The following RBBP4 variants were observed in gnomAD, a reference collection of about 807,000 sequenced individuals.
RBBP4 encodes histone-binding protein RBBP4.
Under a neutral mutation model 57.2 loss-of-function variants are expected in RBBP4, and 3 were observed. The ratio of observed to expected loss-of-function variants is 0.05; its 90% CI spans 0.02 to 0.14. The LOEUF is 0.14. Ranked by LOEUF, RBBP4 falls within the 10% of genes least tolerant of loss-of-function variation. The pLI, the probability that RBBP4 is intolerant of heterozygous loss-of-function variation, is 1.00. For missense variants in RBBP4, 107 were observed against 520.6 expected (o/e 0.21, Z 7.73); for synonymous variants, 151 against 171.5 (o/e 0.88, Z 0.93).
intron 4 of RBBP4, 126 bp downstream of exon 4, chr1:32,668,524 A>G (rs1648746499): frequency 5.3e-6 from 6 of 1,125,308 alleles, no homozygotes; most frequent in Middle Eastern, 2.1e-4. Context: ...TGATATGTGT[A>G]TATTTTTCTT....
intron 2 of RBBP4, among the ~76,000 whole-genome samples, chr1:32,653,797 T>C (rs1341675759): frequency 1.3e-5 from 2 of 151,614 alleles, no homozygotes; most frequent in Non-Finnish European, 2.9e-5. Context: ...TAGCTGGGAC[T>C]ACAGGTGCCG....
intron 3 of RBBP4, 94 bp from the exon 4 acceptor site, chr1:32,668,131 T>A: frequency 7.4e-6 from 9 of 1,218,366 alleles, no homozygotes; most frequent in Non-Finnish European, 1.0e-5. Flanking sequence ...AGTTTGTTGC[T>A]AAGGAAAAAA....
chr1:32,668,166 C>T, intron 3 of RBBP4, 59 bp from the exon 4 acceptor site: 1 of 1,484,848 alleles, frequency 6.7e-7, no homozygotes. Flanking sequence ...TTCTTATACT[C>T]TGGGTAACCT....
At chr1:32,672,760 TTTC>T (rs758042265) in intron 10 of RBBP4, 28 bp from the exon 11 acceptor site, 84,442 of 1,606,954 alleles carry the variant, frequency 0.053, 4,440 homozygotes, top group African/African-American at 0.24. Context: ...TCTATCTGCA[TTTC>T]ACCTCTTTGT....
chr1:32,683,772 A>T lies in RBBP4; in HGVS notation c.*4067A>T. On this transcript the variant is annotated 3_prime_UTR_variant, in exon 12 of 12. Coordinates refer to ENST00000373493, the MANE Select transcript of RBBP4 (RefSeq NM_005610.3). Reference sequence around the variant, plus strand: ...CTTGGCCTCCTGAGTAGCTGGGATTATAAGTGCCTGCCACTATGCCCGGCT... The same window carrying T: ...CTTGGCCTCCTGAGTAGCTGGGATTTTAAGTGCCTGCCACTATGCCCGGCT... 1 of 441,464 alleles carries T rather than the reference A, an allele frequency of 2.3e-6. No individual in the cohort carries two copies. Among genetic ancestry groups the T allele is most frequent in the Non-Finnish European group, 4.1e-6 (1 of 241,184 alleles). 27.3% of individuals were successfully genotyped at this position (441,464 alleles called of 1,614,324 possible).
In RBBP4 at chr1:32,669,868, G is replaced by A. The variant is rs932632564; in HGVS notation, c.966+305G>A. 1.3e-4 allele frequency among the ~76,000 whole-genome samples: 19 copies of A among 148,760 alleles called. No individual in the cohort carries two copies. Among genetic ancestry groups the A allele is most frequent in the African/African-American group, 4.7e-4 (19 of 40,346 alleles). On this transcript the variant is annotated intron_variant, in intron 8 of 11. Coordinates refer to ENST00000373493, the MANE Select transcript of RBBP4 (RefSeq NM_005610.3). The surrounding 1 kb of genome is among the most constrained non-coding windows in gnomAD (Gnocchi z 4.9). ...ATTGTGCCACTGCACTCTAGCCTGG[G>A]CGACAGAACGAGAGTCCGTCTCAAA...
rs1012905491 is a variant in RBBP4, at chr1:32,684,334, C to T, written c.*4629C>T. The T allele has an allele frequency of 6.2e-7, 1 of 1,614,058 alleles. No individual in the cohort carries two copies. The highest frequency in any genetic ancestry group is 8.5e-7 in the Non-Finnish European group (1 of 1,180,028). On this transcript the variant is annotated 3_prime_UTR_variant, in exon 12 of 12. Coordinates refer to ENST00000373493, the MANE Select transcript of RBBP4 (RefSeq NM_005610.3). Reference sequence around the variant, plus strand: ...TTGTTCTTCTGTTGCTGGAGTTGCACCCCATTTCTTAACTGCCTCTGGCGT... The same window carrying T: ...TTGTTCTTCTGTTGCTGGAGTTGCATCCCATTTCTTAACTGCCTCTGGCGT...
At chr1:32,661,373 C>A (rs1648401802) in intron 3 of RBBP4, among the ~76,000 whole-genome samples, 1 of 143,800 alleles carries the variant, frequency 7.0e-6, no homozygotes. Context: ...CAACTCACTG[C>A]ACTCTCCGCC....
intron 8 of RBBP4, among the ~76,000 whole-genome samples, chr1:32,670,756 T>G (rs1648840742): frequency 6.6e-6 from 1 of 152,064 alleles, no homozygotes; most frequent in Non-Finnish European, 1.5e-5. Context: ...AATTTTATAG[T>G]GAGGGAGGGC....
At chr1:32,677,601 A>AGT (rs1649160873) in intron 11 of RBBP4, among the ~76,000 whole-genome samples, 1 of 152,168 alleles carries the variant, frequency 6.6e-6, no homozygotes, top group Non-Finnish European at 1.5e-5. Flanking sequence ...TTTGTAGTCA[A>AGT]GTGGGATAGA....
rs546378060 is a variant in RBBP4 at position 32,658,627 on chromosome 1, A to G, written c.310+1055A>G. Reference sequence around the variant, plus strand: ...AGTGGCGCGATCTCAGTTCACTGCAACCTCCACCTCCCAGGTTCAAGCGAT... The same window carrying G: ...AGTGGCGCGATCTCAGTTCACTGCAGCCTCCACCTCCCAGGTTCAAGCGAT... On this transcript the variant is annotated intron_variant, in intron 3 of 11. Coordinates refer to ENST00000373493, the MANE Select transcript of RBBP4 (RefSeq NM_005610.3). Among the ~76,000 whole-genome samples, 9 of 151,044 alleles carry G rather than the reference A, an allele frequency of 6.0e-5. No homozygotes were observed. In the South Asian group the frequency reaches 1.3e-3, roughly 21 times the overall value.
At chr1:32,652,205 A>G in intron 2 of RBBP4, 144 bp downstream of exon 2, 3 of 955,932 alleles carry the variant, frequency 3.1e-6, no homozygotes, top group Non-Finnish European at 4.6e-6. Context: ...CCACAAAGTA[A>G]GGCAAAATAA....
intron 11 of RBBP4, among the ~76,000 whole-genome samples, chr1:32,675,579 C>G (rs540026510): frequency 6.7e-6 from 1 of 149,816 alleles, no homozygotes; most frequent in Non-Finnish European, 1.5e-5. Flanking sequence ...ACCATCCTGG[C>G]TAACATGGTG....
chr1:32,661,090 A>C (rs535273598), intron 3 of RBBP4, among the ~76,000 whole-genome samples: 261 of 152,274 alleles, frequency 1.7e-3, no homozygotes, highest in Middle Eastern at 6.8e-3. Flanking sequence ...CTGGGCTTAT[A>C]GGCATGAGCC....
At chr1:32,658,758 G>T (rs1227790511) in intron 3 of RBBP4, among the ~76,000 whole-genome samples, 1 of 151,716 alleles carries the variant, frequency 6.6e-6, no homozygotes, top group African/African-American at 2.4e-5. Context: ...ATGTTGGTCA[G>T]GCTGGTCTCG....
chr1:32,674,294 T>A (rs1289766009), intron 11 of RBBP4, among the ~76,000 whole-genome samples: 1 of 111,692 alleles, frequency 9.0e-6, no homozygotes, highest in Non-Finnish European at 2.0e-5. Flanking sequence ...AGTGCAGTGG[T>A]GCGATTACAG....
At chr1:32,654,503 A>G (rs760854503) in intron 2 of RBBP4, among the ~76,000 whole-genome samples, 10 of 152,240 alleles carry the variant, frequency 6.6e-5, no homozygotes, top group Non-Finnish European at 1.5e-4. Context: ...TGGCCATCCC[A>G]TACCTACTAA....
chr1:32,672,590 A>G, intron 9 of RBBP4, 52 bp from the exon 10 acceptor site: 2 of 1,599,340 alleles, frequency 1.3e-6, no homozygotes, highest in South Asian at 1.1e-5. Context: ...TTGCAAAGGT[A>G]GTTACTAAGG....
At chr1:32,667,013 G>A (rs902117262) in intron 3 of RBBP4, among the ~76,000 whole-genome samples, 4 of 152,166 alleles carry the variant, frequency 2.6e-5, no homozygotes, top group Non-Finnish European at 5.9e-5. Context: ...CTTGGCAAGC[G>A]GTAACACCAT....
Sources: allele counts gnomAD v4.1 joint callset (sites outside exome capture counted in the v4.1 genomes callset), GRCh38; gene constraint gnomAD v4.1.1; non-coding constraint Gnocchi (gnomAD v3.1); transcripts MANE v1.5; gene names NCBI Gene and HGNC (gene_info 2026-07-23, HGNC 2026-07-21).